Variants in MGAT3 observed in about 807,000 individuals in gnomAD.
The protein encoded by MGAT3 is GlcNAc-T III.
Under a neutral mutation model 29.8 loss-of-function variants are expected in MGAT3, and 9 were observed. The observed-to-expected ratio is 0.30, with a 90% CI of 0.18 to 0.53. The LOEUF (loss-of-function observed/expected upper bound fraction) is 0.53. MGAT3 is among the 20% of genes least tolerant of loss of function. MGAT3 has a pLI of 0.96. For synonymous variants in MGAT3, 397 were observed against 348.9 expected, an observed-to-expected ratio of 1.14 and a Z score of -1.54; for missense variants, 557 against 769.5, an observed-to-expected ratio of 0.72 and a Z score of 3.27.
chr22:39,484,711 A>ATT (rs1929222007), intron 1 of MGAT3, among the ~76,000 whole-genome samples: 1 of 151,840 alleles, frequency 6.6e-6, no homozygotes, highest in African/African-American at 2.4e-5. Flanking sequence ...CTGTCCTTAA[A>ATT]AAGTAGGGAG....
intron 1 of MGAT3, among the ~76,000 whole-genome samples, chr22:39,461,478 C>T (rs1052523335): frequency 2.6e-5 from 4 of 152,180 alleles, no homozygotes; most frequent in Admixed American, 6.5e-5. Flanking sequence ...TCGAGGGGCT[C>T]CTCTCCACCT....
rs144944468 is a variant in MGAT3, at chr22:39,484,653, G to A, written c.-1-2694G>A. Among the ~76,000 whole-genome samples the A allele has an allele frequency of 3.8e-3, 583 of 152,008 alleles. 3 individuals carry two copies. Among genetic ancestry groups the A allele is most frequent in the African/African-American group, 0.014 (568 of 41,482 alleles). ...TTCCCAAAGTGCTGGGATTACAGGC[G>A]TGAGCCACCACGCCTAACCCAAATT... On this transcript the variant is annotated intron_variant, in intron 1 of 1. Coordinates refer to ENST00000341184, the MANE Select transcript of MGAT3 (RefSeq NM_002409.5).
At chr22:39,479,064 G>A (rs370601874) in intron 1 of MGAT3, among the ~76,000 whole-genome samples, 9 of 152,230 alleles carry the variant, frequency 5.9e-5, no homozygotes, top group Admixed American at 4.6e-4. Flanking sequence ...ACCCAGGACC[G>A]GCCAGAGGCG....
chr22:39,478,957 G>T (rs997105074), intron 1 of MGAT3, among the ~76,000 whole-genome samples: 15 of 152,234 alleles, frequency 9.9e-5, no homozygotes, highest in African/African-American at 3.6e-4. Flanking sequence ...CCTGAGGCCT[G>T]CCTGCTGCCA....
intron 1 of MGAT3, among the ~76,000 whole-genome samples, chr22:39,468,034 T>C (rs1928705893): frequency 6.6e-6 from 1 of 151,928 alleles, no homozygotes; most frequent in African/African-American, 2.4e-5. Flanking sequence ...CCTAGGTTCC[T>C]GACCCTGGGC....
chr22:39,459,746 G>T (rs773131056), intron 1 of MGAT3, among the ~76,000 whole-genome samples: 4 of 152,262 alleles, frequency 2.6e-5, no homozygotes, highest in Non-Finnish European at 5.9e-5. Flanking sequence ...CGGATTCCAG[G>T]TGTGATCAAA....
intron 1 of MGAT3, among the ~76,000 whole-genome samples, chr22:39,467,794 A>ATC (rs1336803801): frequency 6.9e-6 from 1 of 144,862 alleles, no homozygotes; most frequent in East Asian, 2.0e-4. Flanking sequence ...TGCAATGGCA[A>ATC]TCTCGGCTCA....
At chr22:39,460,808 G>T (rs1928477073) in intron 1 of MGAT3, among the ~76,000 whole-genome samples, 2 of 151,916 alleles carry the variant, frequency 1.3e-5, no homozygotes, top group Admixed American at 1.3e-4. Flanking sequence ...AAAATAAATA[G>T]ATAAATAAAT....
Position 39,488,535 on chromosome 22 carries a change from G to A in MGAT3, c.1188G>A (p.Glu396=). The change falls in exon 2 of 2, where the codon GAG becomes GAA. Residue 396 remains glutamate, a synonymous_variant. Coordinates refer to ENST00000341184, the MANE Select transcript of MGAT3 (RefSeq NM_002409.5). ...CCATGCCCAACTTCAGACAGTATGA[G>A]AACCGCACCGGCCACATCCTGGTGC... ...YYTMPNFRQY[E]NRTGHILVQW... 1.2e-6 allele frequency: 2 copies of A among 1,613,260 alleles called. No individual in the cohort carries two copies. Among genetic ancestry groups the A allele is most frequent in the Non-Finnish European group, 1.7e-6 (2 of 1,180,016 alleles).
At position 39,489,671 on chromosome 22, in the gene MGAT3, T is replaced by G. The variant is rs958375853; in HGVS notation, c.*722T>G. The G allele has an allele frequency of 1.2e-5, 2 of 167,480 alleles. No individual in the cohort carries two copies. Among genetic ancestry groups the G allele is most frequent in the Non-Finnish European group, 2.9e-5 (2 of 68,358 alleles). 10.4% of individuals were successfully genotyped at this position (167,480 alleles called of 1,614,324 possible). On this transcript the variant is annotated 3_prime_UTR_variant, in exon 2 of 2. Transcript: ENST00000341184. ...CCTGGAGAACCCTGAGGAGCTTTCC[T>G]TTTGGTTCTAAACCCGGCGTTGACG...
At chr22:39,459,204 G>T (rs377710883) in intron 1 of MGAT3, among the ~76,000 whole-genome samples, 16 of 152,144 alleles carry the variant, frequency 1.1e-4, no homozygotes, top group African/African-American at 3.6e-4. Flanking sequence ...CTCCCGAGTA[G>T]CTGGGACCAC....
At chr22:39,483,769 A>T (rs868419642) in intron 1 of MGAT3, among the ~76,000 whole-genome samples, 11 of 152,228 alleles carry the variant, frequency 7.2e-5, no homozygotes, top group Admixed American at 2.0e-4. Flanking sequence ...AATGTTATCA[A>T]GGAGCAGCCC....
At position 39,487,692 on chromosome 22, in the gene MGAT3, C is replaced by T. The variant is rs1454736179; in HGVS notation, c.345C>T (p.Gly115=). The T allele has an allele frequency of 1.9e-6, 3 of 1,592,104 alleles. No homozygotes were observed. Among genetic ancestry groups the T allele is most frequent in the South Asian group, 1.1e-5 (1 of 88,712 alleles). The change falls in exon 2 of 2, where the codon GGC becomes GGT. Residue 115 remains glycine, a synonymous_variant. Transcript: ENST00000341184. This position sits in a 1 kb window ranked among gnomAD's most constrained non-coding sequence, Gnocchi z 5.7. ...ATTTCGTGCGCACCAAGGCCGGCGGCGTCTGCTTCAAACCCGGCACCAAGA... is the reference window on the plus strand; with the variant it reads ...ATTTCGTGCGCACCAAGGCCGGCGGTGTCTGCTTCAAACCCGGCACCAAGA... ...TEYFVRTKAG[G]VCFKPGTKML...
At position 39,488,686 on chromosome 22, in the gene MGAT3, G is replaced by A; in HGVS notation, c.1339G>A (p.Glu447Lys). Residue 447 changes from glutamate (E) to lysine (K), a missense_variant, in exon 2 of 2, where the codon GAG becomes AAG. Physicochemically the swap from Glu to Lys is moderately conservative, Grantham distance 56. Coordinates refer to ENST00000341184, the MANE Select transcript of MGAT3 (RefSeq NM_002409.5). ...CGACTTCCCACGCTGGGGTGACTAC[G>A]AGGACAAGCGGGACCTGAACTACAT... ...NGDFPRWGDY[E>K]DKRDLNYIRG... is the part of the protein sequence containing the mutation. 2 of 1,613,828 alleles carry A rather than the reference G, an allele frequency of 1.2e-6. No individual in the cohort carries two copies. Among genetic ancestry groups the A allele is most frequent in the East Asian group, 2.2e-5 (1 of 44,886 alleles).
chr22:39,458,144 A>G (rs1272027726), intron 1 of MGAT3, among the ~76,000 whole-genome samples: 1 of 152,150 alleles, frequency 6.6e-6, no homozygotes, highest in Non-Finnish European at 1.5e-5. Flanking sequence ...GGCTCCTTGC[A>G]TTGCTCTGCC....
intron 1 of MGAT3, chr22:39,477,694 C>G (rs757340240): frequency 3.3e-5 from 5 of 152,216 alleles, no homozygotes; most frequent in African/African-American, 4.8e-5. Context: ...TCGGAGAAGA[C>G]TGAGGACCAG....
chr22:39,473,833 G>C (rs1360599279), intron 1 of MGAT3, among the ~76,000 whole-genome samples: 1 of 151,932 alleles, frequency 6.6e-6, no homozygotes, highest in African/African-American at 2.4e-5. Context: ...AAGGGGAGGA[G>C]GGGGGATGGA....
chr22:39,470,107 G>A (rs559818718), intron 1 of MGAT3, among the ~76,000 whole-genome samples: 32 of 152,338 alleles, frequency 2.1e-4, no homozygotes, highest in Admixed American at 5.2e-4. Context: ...GAACAGTGGC[G>A]ACCGAGGCCT....
rs1929359314 is a variant in MGAT3 at position 39,488,601 on chromosome 22, C to G, written c.1254C>G (p.His418Gln). 6.2e-7 allele frequency: 1 copy of G among 1,613,186 alleles called. No individual in the cohort carries two copies. Among genetic ancestry groups the G allele is most frequent in the Non-Finnish European group, 8.5e-7 (1 of 1,180,028 alleles). Residue 418 changes from histidine to glutamine, a missense_variant, in exon 2 of 2, where the codon CAC (histidine) becomes CAG (glutamine). Around this residue, in one of 3 missense-constraint regions of MGAT3, gnomAD observed 243 missense variants for 444.0 expected, o/e 0.55. Coordinates refer to ENST00000341184, the MANE Select transcript of MGAT3 (RefSeq NM_002409.5). ...LGSPLHFAGW[H>Q]CSWCFTPEGI... ...GCCCCCTGCACTTCGCCGGCTGGCA[C>G]TGCTCCTGGTGCTTCACGCCCGAGG...
Sources: allele counts gnomAD v4.1 joint callset (sites outside exome capture counted in the v4.1 genomes callset), GRCh38; gene constraint gnomAD v4.1.1; regional missense constraint gnomAD v4.1.1; non-coding constraint Gnocchi (gnomAD v3.1); transcripts MANE v1.5; gene names NCBI Gene and HGNC (gene_info 2026-07-23, HGNC 2026-07-21).